Variants in EIF3J observed in about 807,000 individuals in gnomAD.
EIF3J encodes the protein eukaryotic translation initiation factor 3 subunit J, also known as eukaryotic translation initiation factor 3, subunit 1 (alpha, 35kD).
A neutral mutation model predicts 39.0 loss-of-function variants in EIF3J; 15 were observed. That is an observed-to-expected ratio of 0.38 (90% CI 0.26 to 0.59). The LOEUF (loss-of-function observed/expected upper bound fraction) is 0.59, where lower values mean the gene tolerates loss of function less well. Among genes scored for constraint, EIF3J ranks in the 20% least tolerant of loss-of-function variants. The pLI, the probability that EIF3J is intolerant of heterozygous loss-of-function variation, is 0.60. For missense variants in EIF3J, 226 were observed against 308.6 expected, an observed-to-expected ratio of 0.73 and a Z score of 2.00; for synonymous variants, 98 against 112.9, an observed-to-expected ratio of 0.87 and a Z score of 0.84.
At position 44,554,614 on chromosome 15, in the gene EIF3J, G is replaced by A. The variant is rs373067027; in HGVS notation, c.356G>A (p.Arg119Gln). The A allele has an allele frequency of 1.3e-5, 21 of 1,612,596 alleles. No homozygotes were observed. Among genetic ancestry groups the A allele is most frequent in the Non-Finnish European group, 1.6e-5 (19 of 1,179,500 alleles). The change falls in exon 5 of 8, where the codon CGG (arginine) becomes CAG (glutamine). Residue 119 changes from arginine to glutamine, a missense_variant. Coordinates refer to ENST00000261868, the MANE Select transcript of EIF3J (RefSeq NM_003758.4). ...GAAGAACAATTAGCAGATAAACTGC[G>A]GCTAAAGAAATTACAGGAAGAGTCA... ...TPEEQLADKL[R>Q]LKKLQEESDL...
rs1451973454 is a variant in EIF3J, at chr15:44,562,308, G to A, written c.*1159G>A. On this transcript the variant is annotated 3_prime_UTR_variant, in exon 8 of 8. Coordinates refer to ENST00000261868, the MANE Select transcript of EIF3J (RefSeq NM_003758.4). ...TTTGGGGACATTATTTTGTTATTTA[G>A]ATACCAAGGCCTAATTAATTAAGTA... 1 of 152,516 alleles carries A rather than the reference G, an allele frequency of 6.6e-6. No individual in the cohort carries two copies. Among genetic ancestry groups the A allele is most frequent in the Non-Finnish European group, 1.5e-5 (1 of 68,016 alleles). The allele number at this position is 152,516 out of a possible 1,614,324, so 9.4% of individuals were successfully genotyped here. A position where few individuals can be genotyped will look rare whatever the true frequency, so the allele number is the denominator to read the frequency against.
At chr15:44,538,060 A>G (rs1252325559) in intron 2 of EIF3J, among the ~76,000 whole-genome samples, 2 of 152,148 alleles carry the variant, frequency 1.3e-5, no homozygotes, top group African/African-American at 4.8e-5. Flanking sequence ...CAGGTAGTTC[A>G]CACCGTGACC....
At chr15:44,557,218 A>C (rs1595807379) in intron 5 of EIF3J, among the ~76,000 whole-genome samples, 1 of 152,268 alleles carries the variant, frequency 6.6e-6, no homozygotes, top group South Asian at 2.1e-4. Context: ...AGTTTTGCTA[A>C]TACCACTGTG....
intron 2 of EIF3J, among the ~76,000 whole-genome samples, chr15:44,544,100 T>TTC (rs946634156): frequency 1.4e-5 from 2 of 145,940 alleles, no homozygotes; most frequent in Non-Finnish European, 3.0e-5. Flanking sequence ...TTTCTTTTCT[T>TTC]TTTTTTTTTT....
At chr15:44,548,337 C>T (rs765714043) in intron 2 of EIF3J, among the ~76,000 whole-genome samples, 2 of 152,140 alleles carry the variant, frequency 1.3e-5, no homozygotes, top group African/African-American at 2.4e-5. Flanking sequence ...GTCACTTGAA[C>T]CCAGGAGGCA....
chr15:44,562,339 A>C lies in EIF3J; in HGVS notation c.*1190A>C, dbSNP rs1036429609. ...AAGGCCTAATTAATTAAGTACCTATAAGAACTATTTATTTGGAGTAACTGA... is the reference window on the plus strand; with the variant it reads ...AAGGCCTAATTAATTAAGTACCTATCAGAACTATTTATTTGGAGTAACTGA... On this transcript the variant is annotated 3_prime_UTR_variant, in exon 8 of 8. Transcript: ENST00000261868. 2.6e-5 allele frequency: 4 copies of C among 152,650 alleles called. No homozygotes were observed. 9.5% of individuals were successfully genotyped at this position (152,650 alleles called of 1,614,324 possible).
At chr15:44,547,564 C>T (rs2082065138) in intron 2 of EIF3J, among the ~76,000 whole-genome samples, 1 of 151,602 alleles carries the variant, frequency 6.6e-6, no homozygotes, top group East Asian at 1.9e-4. Flanking sequence ...ATTCTCCTGC[C>T]TCAGCCCCCA....
chr15:44,554,602 C>T lies in EIF3J; in HGVS notation c.344C>T (p.Ala115Val). 1 of 1,612,644 alleles carries T rather than the reference C, an allele frequency of 6.2e-7. No individual in the cohort carries two copies. The highest frequency in any genetic ancestry group is 8.5e-7 in the Non-Finnish European group (1 of 1,179,508). Residue 115 changes from alanine (A) to valine (V), a missense_variant, in exon 5 of 8, where the codon GCA (alanine) becomes GTA (valine). Physicochemically the swap from Ala to Val is moderately conservative, Grantham distance 64. This residue lies in a region of EIF3J where 143 missense variants were observed against 156.0 expected (regional missense o/e 0.92). Transcript: ENST00000261868. ...PKVLTPEEQL[A>V]DKLRLKKLQE... ...GTGCTAACACCAGAAGAACAATTAG[C>T]AGATAAACTGCGGCTAAAGAAATTA... is the stretch of plus-strand genomic sequence containing the variant.
intron 4 of EIF3J, among the ~76,000 whole-genome samples, chr15:44,552,382 T>C (rs1182243286): frequency 1.3e-5 from 2 of 151,836 alleles, no homozygotes; most frequent in Non-Finnish European, 2.9e-5. Flanking sequence ...CAGGTTGGAA[T>C]TACAGGCACA....
intron 2 of EIF3J, among the ~76,000 whole-genome samples, chr15:44,538,693 G>A: frequency 6.6e-6 from 1 of 152,184 alleles, no homozygotes; most frequent in Non-Finnish European, 1.5e-5. Context: ...ACACTCAGAT[G>A]CTTTATTTAC....
At chr15:44,552,567 C>CA (rs1248348443) in intron 4 of EIF3J, among the ~76,000 whole-genome samples, 3 of 141,448 alleles carry the variant, frequency 2.1e-5, no homozygotes, top group Non-Finnish European at 4.7e-5. Flanking sequence ...CTTTTCTTTT[C>CA]TTTTTTTTTT....
intron 2 of EIF3J, among the ~76,000 whole-genome samples, chr15:44,538,059 C>G (rs947656564): frequency 6.6e-6 from 1 of 151,996 alleles, no homozygotes; most frequent in African/African-American, 2.4e-5. Flanking sequence ...CCAGGTAGTT[C>G]ACACCGTGAC....
intron 4 of EIF3J, among the ~76,000 whole-genome samples, chr15:44,551,936 T>G (rs2082102304): frequency 1.3e-5 from 2 of 151,938 alleles, no homozygotes; most frequent in Non-Finnish European, 2.9e-5. Context: ...TTCAAGCCAT[T>G]CCCCTGCCTC....
intron 2 of EIF3J, among the ~76,000 whole-genome samples, chr15:44,549,071 G>T (rs149368486): frequency 6.6e-6 from 1 of 152,174 alleles, no homozygotes; most frequent in East Asian, 1.9e-4. Flanking sequence ...CATTCTAGAA[G>T]AAATTGTGGG....
intron 2 of EIF3J, among the ~76,000 whole-genome samples, chr15:44,538,451 C>T (rs1056386497): frequency 2.0e-5 from 3 of 152,000 alleles, no homozygotes; most frequent in African/African-American, 7.3e-5. Flanking sequence ...GTGAATTTCT[C>T]CTAATTTATA....
chr15:44,538,289 G>GT (rs10713864), intron 2 of EIF3J, among the ~76,000 whole-genome samples: 2,149 of 140,132 alleles, frequency 0.015, 54 homozygotes, highest in East Asian at 0.087. Context: ...CTTCTACATG[G>GT]TTTTTTTTTT....
intron 2 of EIF3J, among the ~76,000 whole-genome samples, chr15:44,538,491 C>T (rs1035570127): frequency 1.3e-5 from 2 of 152,066 alleles, no homozygotes; most frequent in African/African-American, 4.8e-5. Flanking sequence ...ATAAATCCTG[C>T]CTGGGCTGAA....
At chr15:44,544,305 C>T (rs2082035866) in intron 2 of EIF3J, among the ~76,000 whole-genome samples, 1 of 151,516 alleles carries the variant, frequency 6.6e-6, no homozygotes, top group Non-Finnish European at 1.5e-5. Flanking sequence ...GCCATGTTGG[C>T]CAGGCTGGTC....
chr15:44,554,487 C>A, intron 4 of EIF3J, 66 bp from the exon 5 acceptor site: 2 of 774,956 alleles, frequency 2.6e-6, no homozygotes, highest in East Asian at 3.1e-5. Context: ...AGAATTCGTA[C>A]AATACAGAAA....
Sources: allele counts gnomAD v4.1 joint callset (sites outside exome capture counted in the v4.1 genomes callset), GRCh38; gene constraint gnomAD v4.1.1; regional missense constraint gnomAD v4.1.1; transcripts MANE v1.5; gene names NCBI Gene and HGNC (gene_info 2026-07-23, HGNC 2026-07-21).